The following MGAM variants were observed in gnomAD, a reference collection of about 807,000 sequenced individuals.
MGAM encodes the protein alpha-1,4-glucosidase.
In MGAM, 253 loss-of-function variants were observed where a neutral mutation model predicts 358.8. The ratio of observed to expected loss-of-function variants is 0.71; its 90% CI spans 0.64 to 0.78. The LOEUF is 0.78. MGAM is among the 30% of genes least tolerant of loss of function. The probability of loss-of-function intolerance (pLI) is 0.00; values close to 1 mark genes in which losing one functional copy is unlikely to be tolerated. For missense variants in MGAM, 3,080 were observed against 3,432.6 expected, an observed-to-expected ratio of 0.90 and a Z score of 2.57; for synonymous variants, 1,105 against 1,227.1, an observed-to-expected ratio of 0.90 and a Z score of 2.08.
intron 21 of MGAM, 110 bp from the exon 22 acceptor site, chr7:142,047,675 C>A: frequency 2.1e-6 from 2 of 970,082 alleles, no homozygotes; most frequent in Admixed American, 2.0e-5. Flanking sequence ...AAAGCAGAAC[C>A]ATCTGCTGCT....
At position 142,040,112 on chromosome 7, in the gene MGAM, C is replaced by T; in HGVS notation, c.2317-3C>T. 1.2e-6 allele frequency: 2 copies of T among 1,609,088 alleles called. No individual in the cohort carries two copies. Among genetic ancestry groups the T allele is most frequent in the Non-Finnish European group, 1.7e-6 (2 of 1,176,512 alleles). ...AGGGGACACTACATTTTTTTAATTT[C>T]AGGGTGCAGAGAAAGTGATGGCATA... On this transcript the variant is annotated splice_polypyrimidine_tract_variant and splice_region_variant and intron_variant, in intron 19 of 70. Transcript: ENST00000475668.
In MGAM at chr7:142,059,563, G is replaced by A. The variant is rs769721754; in HGVS notation, c.3911G>A (p.Arg1304His). 52 of 1,612,720 alleles carry A rather than the reference G, an allele frequency of 3.2e-5. No individual in the cohort carries two copies. The highest frequency in any genetic ancestry group is 5.3e-5 in the African/African-American group (4 of 74,884). ...KFAGFPALINRMKADGMRVIL... is the reference protein window; with the variant it reads ...KFAGFPALINHMKADGMRVIL... ...GCTGGGTTTCCAGCTCTGATCAATC[G>A]CATGAAGGCTGATGGGATGCGGGTC... Residue 1304 changes from arginine (R) to histidine (H), a missense_variant, in exon 32 of 71, where the codon CGC (arginine) becomes CAC (histidine). By Grantham distance (29) the Arg-to-His change is conservative. Coordinates refer to ENST00000475668, the MANE Select transcript of MGAM (RefSeq NM_001365693.1).
chr7:142,094,097 A>G lies in MGAM; in HGVS notation c.7173-267A>G, dbSNP rs1330162985. 1.4e-5 allele frequency among the ~76,000 whole-genome samples: 2 copies of G among 146,264 alleles called. 1 individual carries two copies. Among genetic ancestry groups the G allele is most frequent in the Non-Finnish European group, 3.1e-5 (2 of 64,574 alleles). ...AGAAAACTAAGTTTTGGGGAAACCAATAGCAAGATTTAGTAATTCCTTACT... is the reference window on the plus strand; with the variant it reads ...AGAAAACTAAGTTTTGGGGAAACCAGTAGCAAGATTTAGTAATTCCTTACT... On this transcript the variant is annotated intron_variant, in intron 60 of 70. Coordinates refer to ENST00000475668, the MANE Select transcript of MGAM (RefSeq NM_001365693.1).
chr7:142,022,335 A>G lies in MGAM; in HGVS notation c.778A>G (p.Ser260Gly). The G allele has an allele frequency of 6.2e-7, 1 of 1,613,590 alleles. No homozygotes were observed. The highest frequency in any genetic ancestry group is 8.5e-7 in the Non-Finnish European group (1 of 1,179,622). The stretch of plus-strand genomic sequence containing the variant: ...CTTGCAGCTCTCCACTCGACTGCCT[A>G]GCACTAACGTGTATGGCCTGGGAGA... ...QFLQLSTRLP[S>G]TNVYGLGEHV... The change falls in exon 7 of 71, where the codon AGC (serine) becomes GGC (glycine). Residue 260 changes from serine (S) to glycine (G), a missense_variant. Ser to Gly is a moderately conservative substitution (Grantham distance 56, BLOSUM62 0). Around this residue, in one of 5 missense-constraint regions of MGAM, gnomAD observed 1,816 missense variants for 1,840.5 expected, o/e 0.99. Transcript: ENST00000475668.
chr7:141,994,355 A>T (rs1804083467), upstream of MGAM, among the ~76,000 whole-genome samples: 1 of 152,172 alleles, frequency 6.6e-6, no homozygotes, highest in Non-Finnish European at 1.5e-5. Context: ...CTCCCTCAGG[A>T]TTCAAAGGCT....
At position 142,045,642 on chromosome 7, in the gene MGAM, T is replaced by C. The variant is rs866562246; in HGVS notation, c.2499-2143T>C. Among the ~76,000 whole-genome samples, 250 of 105,762 alleles carry C rather than the reference T, an allele frequency of 2.4e-3. 5 individuals are homozygous for C. The highest frequency in any genetic ancestry group is 3.4e-3 in the Non-Finnish European group (194 of 57,474). 69.4% of individuals were successfully genotyped at this position (105,762 alleles called of 152,430 possible). A position where few individuals can be genotyped will look rare whatever the true frequency, so the allele number is the denominator to read the frequency against. ...ATACATACAATATATGAATATATAA[T>C]ATATATTATATACATACAATATATG... On this transcript the variant is annotated intron_variant, in intron 21 of 70. Transcript: ENST00000475668.
In MGAM at chr7:142,084,293, G is replaced by C. The variant is rs1024957326; in HGVS notation, c.6382-226G>C. On this transcript the variant is annotated intron_variant, in intron 53 of 70. Coordinates refer to ENST00000475668, the MANE Select transcript of MGAM (RefSeq NM_001365693.1). ...TAACCAGTTACCTACAGTGTCTCTA[G>C]GAATGGAGTGAAATCAGCTTTTCCA... is the stretch of plus-strand genomic sequence containing the variant. Among the ~76,000 whole-genome samples, 4 of 145,882 alleles carry C rather than the reference G, an allele frequency of 2.7e-5. 1 individual carries two copies. The highest frequency in any genetic ancestry group is 9.8e-5 in the African/African-American group (4 of 41,022).
chr7:142,071,121 G>A lies in MGAM; in HGVS notation c.5186+3G>A, dbSNP rs771784313. On this transcript the variant is annotated splice_donor_region_variant and intron_variant, in intron 44 of 70. Transcript: ENST00000475668. ...CCTGCACTGAACACCCACTTAAGGTGAATGACAGGACTCAGGTTTTCCTTT... is the reference window on the plus strand; with the variant it reads ...CCTGCACTGAACACCCACTTAAGGTAAATGACAGGACTCAGGTTTTCCTTT... 1.2e-5 allele frequency: 19 copies of A among 1,550,758 alleles called. 4 individuals carry two copies. Among genetic ancestry groups the A allele is most frequent in the African/African-American group, 4.0e-5 (3 of 74,540 alleles).
At chr7:142,104,890 A>G (rs1230253687) in intron 70 of MGAM, among the ~76,000 whole-genome samples, 1 of 152,060 alleles carries the variant, frequency 6.6e-6, no homozygotes, top group Non-Finnish European at 1.5e-5. Flanking sequence ...TTTTTCCTGA[A>G]CTTTTTTCTT....
At chr7:142,048,879 A>G (rs1327469839) in intron 22 of MGAM, among the ~76,000 whole-genome samples, 1 of 152,178 alleles carries the variant, frequency 6.6e-6, no homozygotes, top group East Asian at 1.9e-4. Context: ...GATTTAATAT[A>G]TATATAGGCA....
At chr7:142,049,671 C>A (rs547080941) in intron 22 of MGAM, among the ~76,000 whole-genome samples, 2 of 152,088 alleles carry the variant, frequency 1.3e-5, no homozygotes, top group Non-Finnish European at 2.9e-5. Flanking sequence ...GGAAGACATA[C>A]AAGTGGCTAA....
At position 142,052,789 on chromosome 7, in the gene MGAM, C is replaced by T. The variant is rs1184028719; in HGVS notation, c.2964C>T (p.Ser988=). ...CTARGCIWEA[S]NSSGVPFCYF... is the part of the protein sequence containing the mutation. Reference sequence around the variant, plus strand: ...ACTTTGGCCTTACTTTTCAGGCATCCAATTCTTCTGGAGTCCCTTTTTGCT... The same window carrying T: ...ACTTTGGCCTTACTTTTCAGGCATCTAATTCTTCTGGAGTCCCTTTTTGCT... The change falls in exon 26 of 71, where the codon TCC becomes TCT. Residue 988 remains serine, a synonymous_variant. Coordinates refer to ENST00000475668, the MANE Select transcript of MGAM (RefSeq NM_001365693.1). The T allele has an allele frequency of 1.2e-6, 2 of 1,613,752 alleles. No homozygotes were observed. The highest frequency in any genetic ancestry group is 1.7e-6 in the Non-Finnish European group (2 of 1,179,776).
At chr7:142,091,796 T>G (rs1815409458) in intron 57 of MGAM, 117 bp from the exon 58 acceptor site, 2 of 1,117,584 alleles carry the variant, frequency 1.8e-6, no homozygotes, top group Non-Finnish European at 2.5e-6. Flanking sequence ...TAGGCCCTGT[T>G]CAGGCCGTCT....
rs782141625 is a variant in MGAM, at chr7:142,019,318, A to C, written c.447A>C (p.Ala149=). 6.2e-7 allele frequency: 1 copy of C among 1,612,240 alleles called. No homozygotes were observed. Among genetic ancestry groups the C allele is most frequent in the South Asian group, 1.1e-5 (1 of 91,074 alleles). The change falls in exon 4 of 71, where the codon GCA becomes GCC. Residue 149 remains alanine, a splice_region_variant and synonymous_variant. Transcript: ENST00000475668. ...HVEGNLVNTN[A]GFTARLKNLP... ...AGGGCAACCTTGTCAACACAAATGC[A>C]GGTAAGCCAGAGTCTGCCATGATGC...
chr7:142,034,488 A>ACAAAG (rs1446163703), intron 15 of MGAM, 109 bp downstream of exon 15: 1 of 1,002,022 alleles, frequency 1.0e-6, no homozygotes, highest in Non-Finnish European at 1.5e-6. Flanking sequence ...TTAAGACAAA[A>ACAAAG]CAAAGCAAAA....
chr7:142,091,512 C>A (rs1432108470), intron 57 of MGAM, among the ~76,000 whole-genome samples: 1 of 145,668 alleles, frequency 6.9e-6, no homozygotes, highest in Non-Finnish European at 1.6e-5. Context: ...AGGAGGGAGT[C>A]CCTGGGTGTT....
chr7:142,099,166 G>T (rs933613169), intron 66 of MGAM, among the ~76,000 whole-genome samples: 1 of 152,216 alleles, frequency 6.6e-6, no homozygotes, highest in African/African-American at 2.4e-5. Context: ...ACAGAGTGGG[G>T]GTGAGGAGGT....
rs1177739611 is a variant in MGAM at position 142,045,831 on chromosome 7, A to G, written c.2499-1954A>G. ...AATGTATGAATATATGATATATATT[A>G]TATATACATACAATATGTAATATAT... On this transcript the variant is annotated intron_variant, in intron 21 of 70. Coordinates refer to ENST00000475668, the MANE Select transcript of MGAM (RefSeq NM_001365693.1). 2.5e-5 allele frequency among the ~76,000 whole-genome samples: 3 copies of G among 119,768 alleles called. 1 individual carries two copies. The highest frequency in any genetic ancestry group is 1.0e-4 in the African/African-American group (3 of 28,960). 78.6% of individuals were successfully genotyped at this position (119,768 alleles called of 152,430 possible). A position where few individuals can be genotyped will look rare whatever the true frequency, so the allele number is the denominator to read the frequency against.
At chr7:142,093,590 A>C in intron 60 of MGAM, 40 bp downstream of exon 60, 1 of 1,478,196 alleles carries the variant, frequency 6.8e-7, no homozygotes, top group South Asian at 1.2e-5. Context: ...CACAACCTGT[A>C]GGGATTGCCA....
Sources: gnomAD v4.1 joint callset for allele counts (sites outside exome capture counted in the v4.1 genomes callset) on GRCh38, gnomAD v4.1.1 for gene constraint, gnomAD v4.1.1 regional missense constraint, MANE v1.5 for transcripts, NCBI Gene and HGNC (gene_info 2026-07-23, HGNC 2026-07-21) for gene names.